Variants in SUPT3H observed in about 807,000 individuals in gnomAD.
SUPT3H encodes transcription initiation protein SPT3 homolog.
A neutral mutation model predicts 44.3 loss-of-function variants in SUPT3H; 44 were observed. That is an observed-to-expected ratio of 0.99 (90% CI 0.78 to 1.28). The LOEUF (loss-of-function observed/expected upper bound fraction) is 1.28. Ranked by LOEUF, SUPT3H falls within the 50% of genes most tolerant of loss-of-function variation. The probability of loss-of-function intolerance (pLI) is 0.00; values close to 1 mark genes in which losing one functional copy is unlikely to be tolerated. For synonymous variants in SUPT3H, 124 were observed against 125.6 expected (o/e 0.99, Z 0.09); for missense variants, 380 against 387.1 (o/e 0.98, Z 0.15).
At chr6:45,025,882 CA>C (rs11299141) in intron 3 of SUPT3H, among the ~76,000 whole-genome samples, 72,500 of 127,714 alleles carry the variant, frequency 0.57, 19,234 homozygotes, top group African/African-American at 0.67. Context: ...GACTCCGTCT[CA>C]AAAAAAAAAA....
intron 2 of SUPT3H, among the ~76,000 whole-genome samples, chr6:45,131,725 C>G (rs1240486618): frequency 1.3e-5 from 2 of 152,094 alleles, no homozygotes; most frequent in African/African-American, 4.8e-5. Context: ...TGTAATATAG[C>G]TAAGCATCAA....
At chr6:44,858,053 C>T (rs746604955) in intron 10 of SUPT3H, among the ~76,000 whole-genome samples, 1 of 152,140 alleles carries the variant, frequency 6.6e-6, no homozygotes, top group Non-Finnish European at 1.5e-5. Context: ...AGGAAGCCTT[C>T]CCTGATCATT....
chr6:45,351,058 T>TGCATCCCAAAACCATACGCCCC (rs1791912817), intron 2 of SUPT3H, among the ~76,000 whole-genome samples: 1 of 152,118 alleles, frequency 6.6e-6, no homozygotes. Context: ...GTGTAACAGT[T>TGCATCCCAAAACCATACGCCCC]GCATCCCAAA....
chr6:44,876,583 G>C (rs1189649713), intron 10 of SUPT3H, among the ~76,000 whole-genome samples: 1 of 149,548 alleles, frequency 6.7e-6, no homozygotes, highest in Non-Finnish European at 1.5e-5. Flanking sequence ...CAGCGCACCA[G>C]CATGGCACAT....
At chr6:44,885,918 TA>T (rs2153437430) in intron 10 of SUPT3H, among the ~76,000 whole-genome samples, 1 of 152,106 alleles carries the variant, frequency 6.6e-6, no homozygotes, top group East Asian at 1.9e-4. Flanking sequence ...CAGAAGTGCT[TA>T]AAGGAGCTGA....
chr6:44,856,293 C>T (rs1773710053), intron 10 of SUPT3H, among the ~76,000 whole-genome samples: 1 of 152,188 alleles, frequency 6.6e-6, no homozygotes, highest in South Asian at 2.1e-4. Flanking sequence ...ATCTTTAAGA[C>T]AGCTAGTCTC....
chr6:44,859,698 G>A (rs1189082907), intron 10 of SUPT3H, among the ~76,000 whole-genome samples: 2 of 152,162 alleles, frequency 1.3e-5, no homozygotes, highest in Admixed American at 6.5e-5. Flanking sequence ...GAACTTTAGT[G>A]TATGTGAAAA....
chr6:45,058,307 T>G (rs1241680331), intron 3 of SUPT3H, among the ~76,000 whole-genome samples: 3 of 152,120 alleles, frequency 2.0e-5, no homozygotes, highest in African/African-American at 2.4e-5. Context: ...TTTCTTATAG[T>G]CAAGGTTTTG....
At chr6:44,886,891 C>T (rs1449087860) in intron 10 of SUPT3H, among the ~76,000 whole-genome samples, 1 of 152,106 alleles carries the variant, frequency 6.6e-6, no homozygotes, top group African/African-American at 2.4e-5. Context: ...TGCGGAGACA[C>T]ACAGAAGCTC....
At chr6:44,955,879 G>C (rs1397356716) in intron 7 of SUPT3H, among the ~76,000 whole-genome samples, 1 of 151,918 alleles carries the variant, frequency 6.6e-6, no homozygotes, top group Non-Finnish European at 1.5e-5. Flanking sequence ...CCAGCACTTT[G>C]GGAGGCCGAC....
chr6:45,306,941 G>C (rs1783122369), intron 2 of SUPT3H, among the ~76,000 whole-genome samples: 2 of 152,348 alleles, frequency 1.3e-5, no homozygotes, highest in African/African-American at 4.8e-5. Flanking sequence ...CTTTTCCAAT[G>C]ATCTTAGCAA....
intron 10 of SUPT3H, among the ~76,000 whole-genome samples, chr6:44,838,185 T>G (rs1770276070): frequency 6.6e-6 from 1 of 152,240 alleles, no homozygotes; most frequent in African/African-American, 2.4e-5. Context: ...TTTTTACACT[T>G]GATTTTAGCC....
At chr6:44,953,566 T>C (rs1421165501) in intron 8 of SUPT3H, 149 bp from the exon 9 acceptor site, 3 of 625,146 alleles carry the variant, frequency 4.8e-6, no homozygotes, top group Non-Finnish European at 8.4e-6. Flanking sequence ...CACACTTTCA[T>C]TGACTGGTGA....
At chr6:45,268,871 A>G (rs1193349672) in intron 2 of SUPT3H, among the ~76,000 whole-genome samples, 1 of 152,202 alleles carries the variant, frequency 6.6e-6, no homozygotes, top group Non-Finnish European at 1.5e-5. Flanking sequence ...TAATGAATAT[A>G]TTGGTTAAAA....
intron 3 of SUPT3H, among the ~76,000 whole-genome samples, chr6:45,091,586 ATCTT>A (rs1302038332): frequency 6.6e-6 from 1 of 152,122 alleles, no homozygotes; most frequent in Admixed American, 6.6e-5. Context: ...AAGTTGCTTA[ATCTT>A]TCTGTTCTTC....
At chr6:45,045,244 T>C (rs1789194854) in intron 3 of SUPT3H, among the ~76,000 whole-genome samples, 1 of 152,156 alleles carries the variant, frequency 6.6e-6, no homozygotes, top group African/African-American at 2.4e-5. Flanking sequence ...CAGTGGTCTA[T>C]GGGGACCATA....
At chr6:44,818,312 A>C (rs1278379731) in intron 11 of SUPT3H, among the ~76,000 whole-genome samples, 1 of 152,158 alleles carries the variant, frequency 6.6e-6, no homozygotes. Context: ...TACCATATAC[A>C]AAGTCAAAAT....
chr6:44,890,895 C>T (rs900306830), intron 10 of SUPT3H, among the ~76,000 whole-genome samples: 2 of 151,320 alleles, frequency 1.3e-5, no homozygotes. Context: ...AACACAGGAA[C>T]AGAAAACCAA....
intron 3 of SUPT3H, among the ~76,000 whole-genome samples, chr6:45,032,859 A>G (rs1787153781): frequency 1.3e-5 from 2 of 152,146 alleles, no homozygotes; most frequent in African/African-American, 4.8e-5. Flanking sequence ...CCTTTCTACT[A>G]GGATGCAAAC....
Sources: allele counts gnomAD v4.1 joint callset (sites outside exome capture counted in the v4.1 genomes callset), GRCh38; gene constraint gnomAD v4.1.1; transcripts MANE v1.5; gene names NCBI Gene and HGNC (gene_info 2026-07-23, HGNC 2026-07-21).